The following CCDC91 variants were observed in gnomAD, a reference collection of about 807,000 sequenced individuals.
The protein encoded by CCDC91 is coiled-coil domain containing 91.
A neutral mutation model predicts 63.2 loss-of-function variants in CCDC91; 48 were observed. That is an observed-to-expected ratio of 0.76 (90% CI 0.60 to 0.97). The LOEUF is 0.97. CCDC91 is among the 50% of genes least tolerant of loss of function. The pLI, the probability that CCDC91 is intolerant of heterozygous loss-of-function variation, is 0.00. For missense variants in CCDC91, 500 were observed against 494.6 expected (o/e 1.01, Z -0.10); for synonymous variants, 167 against 165.8 (o/e 1.01, Z -0.06).
intron 8 of CCDC91, among the ~76,000 whole-genome samples, chr12:28,419,210 G>A (rs1031770397): frequency 4.7e-4 from 71 of 152,106 alleles, no homozygotes; most frequent in African/African-American, 1.7e-3. Context: ...AATAAAATAA[G>A]AGTAATTAGT....
rs956769090 is a variant in CCDC91, at chr12:28,233,514, A to G, written c.-14-23688A>G. Among the ~76,000 whole-genome samples, 8 of 152,314 alleles carry G rather than the reference A, an allele frequency of 5.3e-5. No individual in the cohort carries two copies. In the South Asian group the frequency reaches 1.7e-3, roughly 32 times the overall value. ...TAATTCAGAGATTAAAGAAGAATCT[A>G]TGTAAAGTGACAATACCTACAATAT... On this transcript the variant is annotated intron_variant, in intron 1 of 12. Coordinates refer to ENST00000536442, the MANE Select transcript of CCDC91 (RefSeq NM_018318.5).
At chr12:28,317,744 C>G (rs970679720) in intron 6 of CCDC91, among the ~76,000 whole-genome samples, 2 of 151,808 alleles carry the variant, frequency 1.3e-5, no homozygotes, top group African/African-American at 2.4e-5. Context: ...GCAGTGATCA[C>G]AAGCATATCT....
chr12:28,530,621 G>T (rs1334716472), intron 12 of CCDC91, among the ~76,000 whole-genome samples: 3 of 152,156 alleles, frequency 2.0e-5, no homozygotes, highest in Non-Finnish European at 4.4e-5. Context: ...TGTGTCAGCA[G>T]AAAAGAACAT....
chr12:28,322,553 A>G (rs1256486813), intron 6 of CCDC91, among the ~76,000 whole-genome samples: 1 of 151,500 alleles, frequency 6.6e-6, no homozygotes, highest in Non-Finnish European at 1.5e-5. Flanking sequence ...ATTTCTTTTT[A>G]GTATGCGTAT....
intron 8 of CCDC91, among the ~76,000 whole-genome samples, chr12:28,431,191 A>C (rs1238854372): frequency 3.3e-5 from 5 of 152,172 alleles, no homozygotes; most frequent in Admixed American, 2.0e-4. Context: ...CATATGTTTG[A>C]AAAGAATGTA....
Position 28,452,481 on chromosome 12 carries a change from G to GA in CCDC91, c.933dup (p.Glu312ArgfsTer24). The GA allele has an allele frequency of 6.5e-7, 1 of 1,549,868 alleles. No individual in the cohort carries two copies. The highest frequency in any genetic ancestry group is 2.1e-5 in the Admixed American group (1 of 48,542). On this transcript the variant is annotated frameshift_variant, in exon 11 of 13. Coordinates refer to ENST00000536442, the MANE Select transcript of CCDC91 (RefSeq NM_018318.5). LOFTEE classifies it high-confidence loss of function. ...CTGGTCTTTATTTATTTTGAAGCTT[G>GA]AAAAAGAAGCAGTGAAGGATGCAGT...
chr12:28,378,566 AG>A (rs1269950115), intron 7 of CCDC91, among the ~76,000 whole-genome samples: 1 of 152,036 alleles, frequency 6.6e-6, no homozygotes, highest in Non-Finnish European at 1.5e-5. Context: ...GCTCAAAGAG[AG>A]GAAAAGTAAA....
chr12:28,538,665 C>T (rs1045314286), intron 12 of CCDC91, among the ~76,000 whole-genome samples: 5 of 152,086 alleles, frequency 3.3e-5, no homozygotes, highest in African/African-American at 9.7e-5. Flanking sequence ...AGTTAAAGAT[C>T]CCTGAGGAAT....
intron 12 of CCDC91, among the ~76,000 whole-genome samples, chr12:28,540,223 C>A (rs1942528586): frequency 6.6e-6 from 1 of 152,052 alleles, no homozygotes; most frequent in African/African-American, 2.4e-5. Context: ...ACATAGCCAC[C>A]GAGGTTACAG....
chr12:28,415,664 T>TTGTGTGTGTGTGTGTG (rs61077919), intron 8 of CCDC91, among the ~76,000 whole-genome samples: 11 of 148,404 alleles, frequency 7.4e-5, no homozygotes, highest in African/African-American at 1.7e-4. Context: ...AGATATATAT[T>TTGTGTGTGTGTGTGTG]TGTGTGTGTG....
chr12:28,349,535 C>T (rs919900852), intron 6 of CCDC91, among the ~76,000 whole-genome samples: 1 of 152,126 alleles, frequency 6.6e-6, no homozygotes, highest in Non-Finnish European at 1.5e-5. Context: ...CTATTGACAT[C>T]TTTAATTTCT....
Position 28,518,251 on chromosome 12 carries a change from G to C in CCDC91, c.1216-30812G>C, listed in dbSNP as rs375020033. Among the ~76,000 whole-genome samples the C allele has an allele frequency of 2.1e-4, 32 of 152,034 alleles. No individual in the cohort carries two copies. The East Asian group carries it at 5.5e-3, about 26-fold the overall frequency. Reference sequence around the variant, plus strand: ...GTTGTACTAGTTTACATTCTCACTAGCAGTGTAGAAGTGTTCTCTGTTCAC... The same window carrying C: ...GTTGTACTAGTTTACATTCTCACTACCAGTGTAGAAGTGTTCTCTGTTCAC... On this transcript the variant is annotated intron_variant, in intron 12 of 12. Transcript: ENST00000536442.
intron 1 of CCDC91, among the ~76,000 whole-genome samples, chr12:28,192,473 C>A (rs1442938126): frequency 6.6e-6 from 1 of 152,068 alleles, no homozygotes; most frequent in Non-Finnish European, 1.5e-5. Context: ...TCAACCTGTT[C>A]CTTGTGATTT....
chr12:28,402,018 A>G (rs1254364807), intron 8 of CCDC91, among the ~76,000 whole-genome samples: 2 of 152,136 alleles, frequency 1.3e-5, no homozygotes, highest in Non-Finnish European at 2.9e-5. Context: ...AAGTCTTACA[A>G]CTATATGAAA....
chr12:28,267,262 T>C (rs1367501001), intron 3 of CCDC91, among the ~76,000 whole-genome samples: 1 of 151,926 alleles, frequency 6.6e-6, no homozygotes. Flanking sequence ...GAGATGACAG[T>C]GTATTATATA....
intron 6 of CCDC91, among the ~76,000 whole-genome samples, chr12:28,321,645 T>C (rs1389416606): frequency 6.6e-6 from 1 of 151,806 alleles, no homozygotes; most frequent in African/African-American, 2.4e-5. Flanking sequence ...GTCTCTGCCA[T>C]GTGGGGATAC....
chr12:28,523,631 T>C (rs2141481531), intron 12 of CCDC91, among the ~76,000 whole-genome samples: 1 of 152,300 alleles, frequency 6.6e-6, no homozygotes, highest in Middle Eastern at 3.4e-3. Context: ...TATTAACTGG[T>C]TATTTTGCTT....
chr12:28,338,927 G>A (rs923573042), intron 6 of CCDC91, among the ~76,000 whole-genome samples: 2 of 151,830 alleles, frequency 1.3e-5, no homozygotes, highest in African/African-American at 2.4e-5. Context: ...TGCAACCTCC[G>A]CCTCTTAGGT....
intron 1 of CCDC91, among the ~76,000 whole-genome samples, chr12:28,197,261 T>A (rs151059620): frequency 1.2e-3 from 181 of 152,244 alleles, no homozygotes; most frequent in African/African-American, 4.0e-3. Flanking sequence ...GAAACAGAGT[T>A]CCTTAGAAAT....
Sources: gnomAD v4.1 joint callset for allele counts (sites outside exome capture counted in the v4.1 genomes callset) on GRCh38, gnomAD v4.1.1 for gene constraint, MANE v1.5 for transcripts, NCBI Gene and HGNC (gene_info 2026-07-23, HGNC 2026-07-21) for gene names.